Variants in SUCLG2 observed in about 807,000 individuals in gnomAD.
The protein encoded by SUCLG2 is succinate-CoA ligase GDP-forming subunit beta, also known as succinate--CoA ligase [GDP-forming] subunit beta, mitochondrial.
In SUCLG2, 42 loss-of-function variants were observed where a neutral mutation model predicts 47.9. The observed-to-expected ratio is 0.88, with a 90% CI of 0.69 to 1.14. SUCLG2 has a LOEUF of 1.14. SUCLG2 is among the 50% of genes most tolerant of loss of function. SUCLG2 has a pLI of 0.00. For missense variants in SUCLG2, 571 were observed against 525.9 expected (o/e 1.09, Z -0.84); for synonymous variants, 195 against 197.3 (o/e 0.99, Z 0.10).
chr3:67,423,055 A>T (rs535610596), intron 9 of SUCLG2, among the ~76,000 whole-genome samples: 1 of 152,170 alleles, frequency 6.6e-6, no homozygotes, highest in Admixed American at 6.5e-5. Context: ...TAATAGGTGC[A>T]GTGATGTGGT....
At chr3:67,647,358 A>G (rs1434801288) in intron 1 of SUCLG2, among the ~76,000 whole-genome samples, 1 of 152,224 alleles carries the variant, frequency 6.6e-6, no homozygotes, top group African/African-American at 2.4e-5. Flanking sequence ...TCATTTCTAG[A>G]AAGGGTAAAA....
rs145010728 is a variant in SUCLG2, at chr3:67,486,208, T to C, written c.1062+9590A>G. ...TGAGCCCAGGAGGCCGAGGCTGCAG[T>C]GAGCTGTGATCACACCACTACACTC... On this transcript the variant is annotated intron_variant, in intron 9 of 10. Coordinates refer to ENST00000307227, the MANE Select transcript of SUCLG2 (RefSeq NM_003848.4). Among the ~76,000 whole-genome samples the C allele has an allele frequency of 4.4e-3, 666 of 152,154 alleles. 8 individuals carry two copies. The highest frequency in any genetic ancestry group is 0.015 in the African/African-American group (640 of 41,480).
At chr3:67,585,765 C>A (rs1436424174) in intron 2 of SUCLG2, among the ~76,000 whole-genome samples, 1 of 151,864 alleles carries the variant, frequency 6.6e-6, no homozygotes, top group Non-Finnish European at 1.5e-5. Context: ...AAGTTCAAGA[C>A]CAGCCTGGCT....
At chr3:67,420,718 A>G (rs1703137537) in intron 9 of SUCLG2, among the ~76,000 whole-genome samples, 4 of 150,802 alleles carry the variant, frequency 2.7e-5, no homozygotes, top group Admixed American at 2.6e-4. Context: ...ATTAGGCAGC[A>G]TGATAAAGTA....
chr3:67,385,367 A>T (rs73098364), intron 10 of SUCLG2, among the ~76,000 whole-genome samples: 1,869 of 152,366 alleles, frequency 0.012, 29 homozygotes, highest in Non-Finnish European at 0.023. Flanking sequence ...CTCCTGGGGC[A>T]GATAAGACCT....
intron 5 of SUCLG2, among the ~76,000 whole-genome samples, chr3:67,518,890 A>G (rs1706022400): frequency 6.6e-6 from 1 of 152,198 alleles, no homozygotes; most frequent in African/African-American, 2.4e-5. Flanking sequence ...GAACTTTGAA[A>G]ACAGCTAGGT....
At chr3:67,388,727 T>C (rs1702311829) in intron 10 of SUCLG2, among the ~76,000 whole-genome samples, 1 of 152,216 alleles carries the variant, frequency 6.6e-6, no homozygotes, top group African/African-American at 2.4e-5. Context: ...CAGTGCCTAG[T>C]GTAGCTCTGC....
At chr3:67,368,984 A>G (rs1701915641) in intron 10 of SUCLG2, among the ~76,000 whole-genome samples, 1 of 152,076 alleles carries the variant, frequency 6.6e-6, no homozygotes, top group Non-Finnish European at 1.5e-5. Context: ...GGGTTTCTCA[A>G]CCTTGACACT....
At chr3:67,473,743 T>C (rs1704663517) in intron 9 of SUCLG2, among the ~76,000 whole-genome samples, 1 of 152,214 alleles carries the variant, frequency 6.6e-6, no homozygotes, top group African/African-American at 2.4e-5. Context: ...GTCTTTAACT[T>C]CCCAAAACTT....
chr3:67,494,552 G>A (rs1047551303), intron 9 of SUCLG2, among the ~76,000 whole-genome samples: 4 of 152,144 alleles, frequency 2.6e-5, no homozygotes, highest in Admixed American at 6.5e-5. Context: ...CTTGGGCCCA[G>A]GAGATTGAGG....
chr3:67,462,136 G>A (rs1368561025), intron 9 of SUCLG2, among the ~76,000 whole-genome samples: 1 of 151,900 alleles, frequency 6.6e-6, no homozygotes, highest in Admixed American at 6.6e-5. Flanking sequence ...GGGCACTTTA[G>A]GTCTCAGAAG....
At position 67,520,565 on chromosome 3, in the gene SUCLG2, T is replaced by G. The variant is rs1278333603; in HGVS notation, c.487A>C (p.Asn163His). 1 of 1,614,182 alleles carries G rather than the reference T, an allele frequency of 6.2e-7. No homozygotes were observed. The highest frequency in any genetic ancestry group is 1.1e-5 in the South Asian group (1 of 91,086). Residue 163 changes from asparagine to histidine, a missense_variant, in exon 5 of 11, where the codon AAT (asparagine) becomes CAT (histidine). Asn to His is a moderately conservative substitution (Grantham distance 68). Coordinates refer to ENST00000307227, the MANE Select transcript of SUCLG2 (RefSeq NM_003848.4). The part of the protein sequence containing the change: ...YLAILMDRSC[N>H]GPVLVGSPQG... ...GGGCTGCCCACCAGCACGGGGCCATTGCAGGACCGGTCCATCAGAATTGCC... is the reference window on the plus strand; with the variant it reads ...GGGCTGCCCACCAGCACGGGGCCATGGCAGGACCGGTCCATCAGAATTGCC...
At chr3:67,392,313 T>A (rs900560898) in intron 10 of SUCLG2, among the ~76,000 whole-genome samples, 11 of 152,166 alleles carry the variant, frequency 7.2e-5, no homozygotes, top group Admixed American at 5.2e-4. Context: ...CAATTCTTCA[T>A]CATCAGCTTA....
At chr3:67,612,145 G>A (rs1375497066) in intron 1 of SUCLG2, among the ~76,000 whole-genome samples, 2 of 152,136 alleles carry the variant, frequency 1.3e-5, no homozygotes, top group African/African-American at 4.8e-5. Context: ...GATTGCTTGA[G>A]CCCAGTAGTT....
In SUCLG2 at chr3:67,394,052, T is replaced by C. The variant is rs1470856530; in HGVS notation, c.1183+6679A>G. On this transcript the variant is annotated intron_variant, in intron 10 of 10. Transcript: ENST00000307227. ...ACCATCATCAAAGACAAAAAGTAGA[T>C]AAAACCACAAAGATGGGGAAAAAAC... Among the ~76,000 whole-genome samples, 7 of 151,848 alleles carry C rather than the reference T, an allele frequency of 4.6e-5. 1 individual carries two copies. The highest frequency in any genetic ancestry group is 4.2e-4 in the South Asian group (2 of 4,810).
chr3:67,473,426 AT>A (rs56301831), intron 9 of SUCLG2, among the ~76,000 whole-genome samples: 8,246 of 150,828 alleles, frequency 0.055, 355 homozygotes, highest in East Asian at 0.23. Context: ...GAAATTTGTG[AT>A]TTTTTTTTTA....
chr3:67,429,381 CT>C (rs1299294124), intron 9 of SUCLG2, among the ~76,000 whole-genome samples: 1 of 152,110 alleles, frequency 6.6e-6, no homozygotes, highest in Non-Finnish European at 1.5e-5. Flanking sequence ...AAATAAAATC[CT>C]TTACGGGCAA....
intron 9 of SUCLG2, chr3:67,409,015 CT>C: frequency 6.5e-7 from 1 of 1,535,306 alleles, no homozygotes; most frequent in South Asian, 1.2e-5. Context: ...CCAAGTATTT[CT>C]TGCTTTCAAA....
chr3:67,552,275 T>A (rs1707036578), intron 2 of SUCLG2, among the ~76,000 whole-genome samples: 1 of 152,144 alleles, frequency 6.6e-6, no homozygotes, highest in Admixed American at 6.5e-5. Context: ...TGAAAGGCTG[T>A]GCCCATCACG....
Sources: allele counts gnomAD v4.1 joint callset (sites outside exome capture counted in the v4.1 genomes callset), GRCh38; gene constraint gnomAD v4.1.1; transcripts MANE v1.5; gene names NCBI Gene and HGNC (gene_info 2026-07-23, HGNC 2026-07-21).